The following DENND6A variants were observed in gnomAD, a reference collection of about 807,000 sequenced individuals.
DENND6A encodes protein DENND6A.
A neutral mutation model predicts 95.5 loss-of-function variants in DENND6A; 43 were observed. The ratio of observed to expected loss-of-function variants is 0.45; its 90% CI spans 0.35 to 0.58. The LOEUF is 0.58. Ranked by LOEUF, DENND6A falls within the 20% of genes least tolerant of loss-of-function variation. The pLI, the probability that DENND6A is intolerant of heterozygous loss-of-function variation, is 0.00. For missense variants in DENND6A, 574 were observed against 736.0 expected (o/e 0.78, Z 2.55); for synonymous variants, 257 against 260.4 (o/e 0.99, Z 0.13).
chr3:57,692,860 C>T lies in DENND6A; in HGVS notation c.159G>A (p.Leu53=). ...EEDDGRGRGL[L]RWDSFSAWLH... ...GCCAGGCGGAGAAGCTGTCCCAGCG[C>T]AGCAGGCCCCGGCCACGGCCATCGT... The change falls in exon 1 of 20, where the codon CTG becomes CTA. Residue 53 remains leucine (L), a synonymous_variant. Coordinates refer to ENST00000311128, the MANE Select transcript of DENND6A (RefSeq NM_152678.3). 1 of 1,585,656 alleles carries T rather than the reference C, an allele frequency of 6.3e-7. No homozygotes were observed. The highest frequency in any genetic ancestry group is 8.5e-7 in the Non-Finnish European group (1 of 1,169,744).
rs576237127 is a variant in DENND6A at position 57,691,706 on chromosome 3, C to T, written c.237+1076G>A. Among the ~76,000 whole-genome samples the T allele has an allele frequency of 5.8e-4, 77 of 133,832 alleles. 1 individual carries two copies. In the Middle Eastern group the frequency reaches 0.05, roughly 88 times the overall value. 87.8% of individuals were successfully genotyped at this position (133,832 alleles called of 152,430 possible). A position where few individuals can be genotyped will look rare whatever the true frequency, so the allele number is the denominator to read the frequency against. On this transcript the variant is annotated intron_variant, in intron 1 of 19. Coordinates refer to ENST00000311128, the MANE Select transcript of DENND6A (RefSeq NM_152678.3). ...AAAAAAAAAAAAACCAAAACCAAAA[C>T]GTCTAAACAAACGCCCTTCTGATAA...
chr3:57,660,468 G>A (rs2071401078), intron 7 of DENND6A, among the ~76,000 whole-genome samples: 2 of 152,148 alleles, frequency 1.3e-5, no homozygotes, highest in African/African-American at 4.8e-5. Context: ...GATCACAGGT[G>A]TGAGCCACCA....
At chr3:57,670,137 G>A (rs2071592885) in intron 3 of DENND6A, among the ~76,000 whole-genome samples, 1 of 151,728 alleles carries the variant, frequency 6.6e-6, no homozygotes, top group Non-Finnish European at 1.5e-5. Context: ...CTAGATATAG[G>A]CTATCTAAAC....
At chr3:57,672,460 T>C (rs756419535) in intron 1 of DENND6A, 22 bp from the exon 2 acceptor site, 1 of 1,605,302 alleles carries the variant, frequency 6.2e-7, no homozygotes, top group South Asian at 1.1e-5. Context: ...GAGTTAAATT[T>C]TGTTAAACAT....
chr3:57,687,070 T>C (rs2077217616), intron 1 of DENND6A, among the ~76,000 whole-genome samples: 1 of 152,110 alleles, frequency 6.6e-6, no homozygotes, highest in Admixed American at 6.6e-5. Context: ...CGTTGCCCAG[T>C]CTGGTCTTGA....
chr3:57,644,555 G>A (rs750284249), intron 11 of DENND6A, among the ~76,000 whole-genome samples: 12 of 150,440 alleles, frequency 8.0e-5, no homozygotes, highest in South Asian at 2.1e-4. Flanking sequence ...TGATCTGCCC[G>A]CCTCAGCCTA....
At chr3:57,656,680 G>A (rs924788853) in intron 9 of DENND6A, among the ~76,000 whole-genome samples, 24 of 152,094 alleles carry the variant, frequency 1.6e-4, no homozygotes, top group African/African-American at 5.6e-4. Flanking sequence ...AGGTCAGCCA[G>A]GCGCAGTGGC....
At chr3:57,678,543 C>T (rs964168234) in intron 1 of DENND6A, among the ~76,000 whole-genome samples, 11 of 152,144 alleles carry the variant, frequency 7.2e-5, no homozygotes, top group African/African-American at 2.4e-4. Context: ...CAAAAATTCA[C>T]GTTAAAGCTC....
intron 3 of DENND6A, among the ~76,000 whole-genome samples, chr3:57,668,704 T>C (rs532384889): frequency 6.6e-6 from 1 of 152,318 alleles, no homozygotes; most frequent in Admixed American, 6.5e-5. Flanking sequence ...CATTTTTATC[T>C]GTGTCATTTT....
At position 57,659,058 on chromosome 3, in the gene DENND6A, A is replaced by G. The variant is rs368675978; in HGVS notation, c.762+60T>C. 4.6e-4 allele frequency: 703 copies of G among 1,525,164 alleles called. 1 individual carries two copies. Among genetic ancestry groups the G allele is most frequent in the Non-Finnish European group, 6.1e-4 (678 of 1,110,308 alleles). The allele number at this position is 1,525,164 out of a possible 1,614,324, so 94.5% of individuals were successfully genotyped here. ...CAAGAAACTCTGCATTTGCTAGTTT[A>G]AAAATTCTGTTAAAGAGACTATATA... On this transcript the variant is annotated intron_variant, in intron 8 of 19. Coordinates refer to ENST00000311128, the MANE Select transcript of DENND6A (RefSeq NM_152678.3).
chr3:57,649,747 T>C (rs752632907), intron 9 of DENND6A, among the ~76,000 whole-genome samples: 2 of 151,952 alleles, frequency 1.3e-5, no homozygotes, highest in African/African-American at 2.4e-5. Flanking sequence ...GCTTCCCTTC[T>C]GCATGGATAC....
At chr3:57,668,324 C>T (rs1053218573) in intron 3 of DENND6A, among the ~76,000 whole-genome samples, 11 of 152,154 alleles carry the variant, frequency 7.2e-5, no homozygotes, top group Non-Finnish European at 4.4e-5. Flanking sequence ...TCAAGTCCAT[C>T]CAGAACAAGG....
At chr3:57,637,723 C>A (rs2070825971) in intron 12 of DENND6A, among the ~76,000 whole-genome samples, 1 of 136,210 alleles carries the variant, frequency 7.3e-6, no homozygotes. Context: ...ATGACTATGA[C>A]ACCAAATATA....
chr3:57,669,843 G>A, intron 3 of DENND6A, among the ~76,000 whole-genome samples: 1 of 151,568 alleles, frequency 6.6e-6, no homozygotes, highest in East Asian at 1.9e-4. Flanking sequence ...CCAACACAGT[G>A]AAACCCCATC....
chr3:57,630,652 C>T (rs1353536635), intron 17 of DENND6A, 63 bp downstream of exon 17: 13 of 1,560,602 alleles, frequency 8.3e-6, no homozygotes, highest in Non-Finnish European at 1.0e-5. Flanking sequence ...TTAAGTTTAG[C>T]TTTTTGTTTT....
chr3:57,627,981 A>G lies in DENND6A; in HGVS notation c.*233T>C, dbSNP rs2070568856. ...CACTTTAGAACATGATTAAAAATAT[A>G]GAAATGCCTTTCGGTGTTTCAGTAT... is the stretch of plus-strand genomic sequence containing the variant. On this transcript the variant is annotated 3_prime_UTR_variant, in exon 20 of 20. Coordinates refer to ENST00000311128, the MANE Select transcript of DENND6A (RefSeq NM_152678.3). 3 of 444,364 alleles carry G rather than the reference A, an allele frequency of 6.8e-6. No individual in the cohort carries two copies. In the South Asian group the frequency reaches 1.3e-4, roughly 19 times the overall value. The allele number at this position is 444,364 out of a possible 1,614,324, so 27.5% of individuals were successfully genotyped here.
chr3:57,636,581 G>C (rs1202095391), intron 12 of DENND6A, among the ~76,000 whole-genome samples: 1 of 152,160 alleles, frequency 6.6e-6, no homozygotes, highest in Non-Finnish European at 1.5e-5. Context: ...CCTGGCCAAA[G>C]AAGAGTAAGA....
At chr3:57,629,211 T>G (rs2070604383) in intron 18 of DENND6A, among the ~76,000 whole-genome samples, 1 of 152,158 alleles carries the variant, frequency 6.6e-6, no homozygotes, top group Admixed American at 6.5e-5. Context: ...AGTGACTAAT[T>G]TATAAGGAAC....
Position 57,693,026 on chromosome 3 carries a change from C to T in DENND6A, c.-8G>A, listed in dbSNP as rs973165839. 1 of 1,409,246 alleles carries T rather than the reference C, an allele frequency of 7.1e-7. No homozygotes were observed. The highest frequency in any genetic ancestry group is 9.2e-7 in the Non-Finnish European group (1 of 1,092,296). 87.3% of individuals were successfully genotyped at this position (1,409,246 alleles called of 1,614,324 possible). On this transcript the variant is annotated 5_prime_UTR_variant, in exon 1 of 20. Transcript: ENST00000311128. ...AGGGCCCCTCAAAGCCATCGGCCGC[C>T]CCCTGACCGTTCGCGCCGCCTCCAC... is the stretch of plus-strand genomic sequence containing the variant.
Sources: gnomAD v4.1 joint callset for allele counts (sites outside exome capture counted in the v4.1 genomes callset) on GRCh38, gnomAD v4.1.1 for gene constraint, MANE v1.5 for transcripts, NCBI Gene and HGNC (gene_info 2026-07-23, HGNC 2026-07-21) for gene names.